Variants in SLC24A2 observed in about 807,000 individuals in gnomAD.
SLC24A2 encodes the protein solute carrier family 24 member 2, also known as sodium/potassium/calcium exchanger 2.
In SLC24A2, 36 loss-of-function variants were observed where a neutral mutation model predicts 62.0. The observed-to-expected ratio is 0.58, with a 90% CI of 0.44 to 0.77. The LOEUF (loss-of-function observed/expected upper bound fraction) is 0.77. Among genes scored for constraint, SLC24A2 ranks in the 30% least tolerant of loss-of-function variants. The pLI, the probability that SLC24A2 is intolerant of heterozygous loss-of-function variation, is 0.00. For missense variants in SLC24A2, 846 were observed against 817.9 expected (o/e 1.03, Z -0.42); for synonymous variants, 358 against 294.0 (o/e 1.22, Z -2.23).
At chr9:19,641,238 T>C (rs1463120099) in intron 2 of SLC24A2, among the ~76,000 whole-genome samples, 2 of 152,254 alleles carry the variant, frequency 1.3e-5, no homozygotes, top group Admixed American at 6.5e-5. Context: ...TTCTCAGTCT[T>C]GGGAACTCTG....
the SLC24A2 span, among the ~76,000 whole-genome samples, chr9:20,272,770 C>T: frequency 1.3e-5 from 2 of 152,176 alleles, no homozygotes; most frequent in African/African-American, 4.8e-5. Context: ...TACAAATCTA[C>T]TCTGGCTCCC....
At chr9:20,100,381 T>G in the SLC24A2 span, among the ~76,000 whole-genome samples, 2 of 152,212 alleles carry the variant, frequency 1.3e-5, no homozygotes, top group East Asian at 3.8e-4. Flanking sequence ...CTTTTAGTTC[T>G]CAGCTTAAAT....
At chr9:19,583,654 G>A (rs554736666) in intron 5 of SLC24A2, among the ~76,000 whole-genome samples, 1 of 152,240 alleles carries the variant, frequency 6.6e-6, no homozygotes, top group East Asian at 1.9e-4. Flanking sequence ...CCAAGCCCAT[G>A]GCCCCAGTGG....
chr9:19,911,741 C>G, the SLC24A2 span, among the ~76,000 whole-genome samples: 2 of 152,266 alleles, frequency 1.3e-5, no homozygotes, highest in Admixed American at 6.5e-5. Flanking sequence ...TTCCACTCAG[C>G]CTGTCCTATG....
the SLC24A2 span, among the ~76,000 whole-genome samples, chr9:20,085,621 G>C: frequency 1.2e-4 from 19 of 152,162 alleles, no homozygotes; most frequent in African/African-American, 4.6e-4. Context: ...TACTCATTCA[G>C]TTCACCATCT....
chr9:19,907,496 G>T, the SLC24A2 span, among the ~76,000 whole-genome samples: 1 of 152,158 alleles, frequency 6.6e-6, no homozygotes, highest in Non-Finnish European at 1.5e-5. Context: ...GCAGGAGAAG[G>T]AAATAAAGGT....
intron 2 of SLC24A2, among the ~76,000 whole-genome samples, chr9:19,733,879 T>C (rs1184363314): frequency 1.3e-5 from 2 of 152,086 alleles, no homozygotes. Context: ...ATTCTAATGC[T>C]ACAGATGGGC....
At chr9:20,064,654 C>A in the SLC24A2 span, among the ~76,000 whole-genome samples, 1 of 152,162 alleles carries the variant, frequency 6.6e-6, no homozygotes, top group Non-Finnish European at 1.5e-5. Flanking sequence ...AGGATCACAA[C>A]TGATGGATTT....
chr9:19,673,433 A>ATGTG (rs777283124), intron 2 of SLC24A2, among the ~76,000 whole-genome samples: 1 of 97,900 alleles, frequency 1.0e-5, no homozygotes, highest in Non-Finnish European at 2.0e-5. Flanking sequence ...TTGTGTGTGT[A>ATGTG]TGTGTGTGTG....
chr9:19,862,153 C>T, the SLC24A2 span, among the ~76,000 whole-genome samples: 3 of 152,112 alleles, frequency 2.0e-5, no homozygotes, highest in Non-Finnish European at 4.4e-5. Context: ...ATTTAATAAT[C>T]AAACTCCCAA....
chr9:20,172,440 G>C, the SLC24A2 span, among the ~76,000 whole-genome samples: 1 of 151,946 alleles, frequency 6.6e-6, no homozygotes, highest in Admixed American at 6.6e-5. Context: ...AGATAAAATT[G>C]ATAGAACATT....
the SLC24A2 span, among the ~76,000 whole-genome samples, chr9:20,167,411 C>T: frequency 1.3e-5 from 2 of 151,866 alleles, no homozygotes; most frequent in African/African-American, 4.8e-5. Flanking sequence ...GATATGGAAT[C>T]GGGGAAGGCA....
chr9:20,015,931 G>C, the SLC24A2 span, among the ~76,000 whole-genome samples: 8 of 152,306 alleles, frequency 5.3e-5, no homozygotes, highest in East Asian at 1.3e-3. Flanking sequence ...TTCTGAAAGA[G>C]AAGGGATCAC....
intron 2 of SLC24A2, among the ~76,000 whole-genome samples, chr9:19,777,680 T>C (rs1038523089): frequency 1.3e-5 from 2 of 152,168 alleles, no homozygotes; most frequent in African/African-American, 2.4e-5. Flanking sequence ...TATGTTCCTA[T>C]TTATTTAAAT....
chr9:20,200,930 A>C, the SLC24A2 span, among the ~76,000 whole-genome samples: 4 of 152,216 alleles, frequency 2.6e-5, no homozygotes, highest in African/African-American at 9.6e-5. Flanking sequence ...GTAGCTCATT[A>C]TATTTGAGAA....
the SLC24A2 span, among the ~76,000 whole-genome samples, chr9:20,296,393 T>C: frequency 6.6e-6 from 1 of 152,244 alleles, no homozygotes; most frequent in Non-Finnish European, 1.5e-5. Context: ...TGATATAAAT[T>C]GCACAAAGAC....
the SLC24A2 span, among the ~76,000 whole-genome samples, chr9:20,111,430 G>T: frequency 6.6e-6 from 1 of 152,084 alleles, no homozygotes; most frequent in African/African-American, 2.4e-5. Context: ...GCACTGCACC[G>T]TCTCTTATTG....
chr9:20,085,365 C>A, the SLC24A2 span, among the ~76,000 whole-genome samples: 1 of 152,150 alleles, frequency 6.6e-6, no homozygotes, highest in African/African-American at 2.4e-5. Flanking sequence ...TTTCATTATG[C>A]AAACTCTTAT....
the SLC24A2 span, among the ~76,000 whole-genome samples, chr9:20,268,571 ACT>A: frequency 1.3e-5 from 2 of 151,850 alleles, no homozygotes; most frequent in Admixed American, 6.6e-5. Context: ...CCTCCTCAAA[ACT>A]CTCAGAGTCT....
Sources: gnomAD v4.1 joint callset for allele counts (sites outside exome capture counted in the v4.1 genomes callset) on GRCh38, gnomAD v4.1.1 for gene constraint, MANE v1.5 for transcripts, NCBI Gene and HGNC (gene_info 2026-07-23, HGNC 2026-07-21) for gene names.